MTMR12: variants seen among roughly 807,000 people sequenced by gnomAD.
The protein encoded by MTMR12 is myotubularin related protein 12, also known as myotubularin-related protein 12.
A neutral mutation model predicts 96.7 loss-of-function variants in MTMR12; 33 were observed. That is an observed-to-expected ratio of 0.34 (90% confidence interval 0.26 to 0.46). The LOEUF is 0.46. MTMR12 is among the 20% of genes least tolerant of loss of function. MTMR12 has a pLI of 1.00. For synonymous variants in MTMR12, 298 were observed against 327.2 expected (o/e 0.91, Z 0.96); for missense variants, 721 against 896.1 (o/e 0.80, Z 2.49).
intron 1 of MTMR12, chr5:32,309,532 C>G (rs1751496407): frequency 6.6e-6 from 1 of 152,028 alleles, no homozygotes; most frequent in Admixed American, 6.6e-5. Context: ...ATCTAATAAT[C>G]CACCTAAAAA....
chr5:32,234,729 C>T, intron 14 of MTMR12: 1 of 361,594 alleles, frequency 2.8e-6, no homozygotes, highest in Non-Finnish European at 5.1e-6. Context: ...GCTCTTAGAC[C>T]AATGCTTGGT....
intron 12 of MTMR12, among the ~76,000 whole-genome samples, chr5:32,239,612 C>T (rs7713620): frequency 1.6e-4 from 24 of 152,190 alleles, no homozygotes; most frequent in African/African-American, 5.8e-4. Context: ...TGGACGCCTC[C>T]GTCACTGAAC....
intron 5 of MTMR12, among the ~76,000 whole-genome samples, chr5:32,269,434 G>C (rs918475779): frequency 6.6e-6 from 1 of 151,880 alleles, no homozygotes; most frequent in African/African-American, 2.4e-5. Flanking sequence ...CTCCTGAGTA[G>C]CTGCGATTAT....
chr5:32,254,125 A>G (rs1258095433), intron 8 of MTMR12, among the ~76,000 whole-genome samples: 2 of 152,196 alleles, frequency 1.3e-5, no homozygotes, highest in Non-Finnish European at 2.9e-5. Flanking sequence ...CCTCTTTTCC[A>G]GACCCCTCTA....
chr5:32,233,461 C>A lies in MTMR12; in HGVS notation c.1674+312G>T, dbSNP rs1359810935. On this transcript the variant is annotated intron_variant, in intron 15 of 15. Coordinates refer to ENST00000382142, the MANE Select transcript of MTMR12 (RefSeq NM_001040446.3). This position sits in a 1 kb window ranked among gnomAD's most constrained non-coding sequence, Gnocchi z 5.0. The stretch of plus-strand genomic sequence containing the variant: ...ATGTTCCTTTTACTCTACTAACACA[C>A]ACACACACACAAACACACACACACA... Among the ~76,000 whole-genome samples the A allele has an allele frequency of 6.8e-6, 1 of 147,686 alleles. No homozygotes were observed. The highest frequency in any genetic ancestry group is 1.5e-5 in the Non-Finnish European group (1 of 66,726).
chr5:32,291,235 G>A (rs1452847399), intron 1 of MTMR12, among the ~76,000 whole-genome samples: 1 of 152,146 alleles, frequency 6.6e-6, no homozygotes, highest in Non-Finnish European at 1.5e-5. Context: ...CACCAAAAGT[G>A]GACAGCTGTA....
In MTMR12 at chr5:32,312,644, C is replaced by G; in HGVS notation, c.81+114G>C. ...CAGCCCGCCTGGCTGCCCCGTCGCCCGGCACAAGGGCAGGAAGCGCTCCGC... is the reference window on the plus strand; with the variant it reads ...CAGCCCGCCTGGCTGCCCCGTCGCCGGGCACAAGGGCAGGAAGCGCTCCGC... On this transcript the variant is annotated intron_variant, in intron 1 of 15. Coordinates refer to ENST00000382142, the MANE Select transcript of MTMR12 (RefSeq NM_001040446.3). The surrounding 1 kb of genome is among the most constrained non-coding windows in gnomAD (Gnocchi z 5.0). 1 of 994,728 alleles carries G rather than the reference C, an allele frequency of 1.0e-6. No individual in the cohort carries two copies. 61.6% of individuals were successfully genotyped at this position (994,728 alleles called of 1,614,324 possible).
In MTMR12 at chr5:32,235,126, G is replaced by T; in HGVS notation, c.1348C>A (p.Pro450Thr). 6.2e-7 allele frequency: 1 copy of T among 1,611,480 alleles called. No individual in the cohort carries two copies. Among genetic ancestry groups the T allele is most frequent in the Non-Finnish European group, 8.5e-7 (1 of 1,179,040 alleles). ...HLRQNDKEEV[P>T]VFLLFLDCVW... ...CAATCTAGGAAAAGCAGGAACACAG[G>T]AACCTGCATGAAAACAAGATACGTT... is the stretch of plus-strand genomic sequence containing the variant. The change falls in exon 14 of 16, where the codon CCT becomes ACT. Residue 450 changes from proline (P) to threonine (T), a missense_variant. Coordinates refer to ENST00000382142, the MANE Select transcript of MTMR12 (RefSeq NM_001040446.3).
At chr5:32,271,776 C>T (rs1749843006) in intron 4 of MTMR12, 57 bp downstream of exon 4, 1 of 977,662 alleles carries the variant, frequency 1.0e-6, no homozygotes, top group Non-Finnish European at 1.4e-6. Flanking sequence ...ATATTATTAT[C>T]ATTATCACCT....
rs1310128178 is a variant in MTMR12, at chr5:32,312,715, GGCCGCCCCT to G, written c.81+34_81+42del. The G allele has an allele frequency of 1.4e-6, 2 of 1,418,286 alleles. No individual in the cohort carries two copies. The highest frequency in any genetic ancestry group is 1.5e-5 in the African/African-American group (1 of 67,154). 87.9% of individuals were successfully genotyped at this position (1,418,286 alleles called of 1,614,324 possible). On this transcript the variant is annotated intron_variant, in intron 1 of 15. Coordinates refer to ENST00000382142, the MANE Select transcript of MTMR12 (RefSeq NM_001040446.3). This position sits in a 1 kb window ranked among gnomAD's most constrained non-coding sequence, Gnocchi z 5.0. ...AGGGGCTCCCGGCGCCCCTCGCCCC[GGCCGCCCCT>G]GCCCGACGCCCCGCCTGCGCGGCGC...
intron 12 of MTMR12, among the ~76,000 whole-genome samples, chr5:32,240,798 G>A (rs138580268): frequency 0.015 from 2,343 of 152,150 alleles, 32 homozygotes; most frequent in Non-Finnish European, 0.024. Context: ...ACAGGGTTTC[G>A]TCATGTTGGC....
At chr5:32,308,038 A>G (rs1751422533) in intron 1 of MTMR12, among the ~76,000 whole-genome samples, 1 of 152,160 alleles carries the variant, frequency 6.6e-6, no homozygotes, top group African/African-American at 2.4e-5. Flanking sequence ...AATAAGCAAC[A>G]GTTGGCTGGG....
intron 7 of MTMR12, among the ~76,000 whole-genome samples, chr5:32,258,080 T>G (rs181771736): frequency 6.6e-6 from 1 of 151,576 alleles, no homozygotes. Context: ...TGAGCAGAGA[T>G]CGTGCCACTG....
At chr5:32,238,143 CAAAAAA>C (rs746835069) in intron 13 of MTMR12, among the ~76,000 whole-genome samples, 3 of 58,964 alleles carry the variant, frequency 5.1e-5, no homozygotes, top group South Asian at 1.8e-3. Context: ...GACTCCGTCT[CAAAAAA>C]AAAAAAAAAA....
intron 1 of MTMR12, among the ~76,000 whole-genome samples, chr5:32,291,610 G>C (rs1750739180): frequency 6.6e-6 from 1 of 152,152 alleles, no homozygotes; most frequent in South Asian, 2.1e-4. Flanking sequence ...CCGTTCTGTG[G>C]ACACCACTCA....
rs772242651 is a variant in MTMR12, at chr5:32,276,673, GAC to G, written c.142+7_142+8del. The G allele has an allele frequency of 6.2e-7, 1 of 1,611,546 alleles. No homozygotes were observed. The highest frequency in any genetic ancestry group is 1.7e-5 in the Admixed American group (1 of 59,986). On this transcript the variant is annotated splice_region_variant and intron_variant, in intron 2 of 15. Transcript: ENST00000382142. Reference sequence around the variant, plus strand: ...TGCATAGGAGTTACTATGCTAACATGACAGTTACCTGGCAACAAGTGAAGAGT... The same window carrying G: ...TGCATAGGAGTTACTATGCTAACATGAGTTACCTGGCAACAAGTGAAGAGT...
At chr5:32,304,483 T>C (rs1182806088) in intron 1 of MTMR12, among the ~76,000 whole-genome samples, 1 of 152,254 alleles carries the variant, frequency 6.6e-6, no homozygotes, top group African/African-American at 2.4e-5. Context: ...ATATTGTCTT[T>C]ATCATAATAA....
chr5:32,248,771 C>T lies in MTMR12; in HGVS notation c.896+1G>A, dbSNP rs1191181281. ...GAACAAAATGTAGAACTAGTACTGA[C>T]CCATCTAAGAAGCTCTTTTGGATTT... On this transcript the variant is annotated splice_donor_variant, in intron 9 of 15. Transcript: ENST00000382142. LOFTEE classifies it high-confidence loss of function. 6.2e-7 allele frequency: 1 copy of T among 1,612,286 alleles called. No homozygotes were observed. Among genetic ancestry groups the T allele is most frequent in the South Asian group, 1.1e-5 (1 of 91,038 alleles).
rs1749854465 is a variant in MTMR12 at position 32,271,999 on chromosome 5, G to A, written c.286-94C>T. On this transcript the variant is annotated intron_variant, in intron 3 of 15. Coordinates refer to ENST00000382142, the MANE Select transcript of MTMR12 (RefSeq NM_001040446.3). The stretch of plus-strand genomic sequence containing the variant: ...TCACCATTCTCTACTTGGATATTAA[G>A]AAAAATGGGGGGCCGGGTGCAGTGG... The A allele has an allele frequency of 4.1e-6, 3 of 723,596 alleles. No individual in the cohort carries two copies. The Admixed American group carries it at 1.1e-4, about 26-fold the overall frequency. The allele number at this position is 723,596 out of a possible 1,614,324, so 44.8% of individuals were successfully genotyped here.
Sources: gnomAD v4.1 joint callset for allele counts (sites outside exome capture counted in the v4.1 genomes callset) on GRCh38, gnomAD v4.1.1 for gene constraint, Gnocchi (gnomAD v3.1) non-coding constraint, MANE v1.5 for transcripts, NCBI Gene and HGNC (gene_info 2026-07-23, HGNC 2026-07-21) for gene names.